Variants in PDE1C observed in about 807,000 individuals in gnomAD.
The protein encoded by PDE1C is dual specificity calcium/calmodulin-dependent 3',5'-cyclic nucleotide phosphodiesterase 1C.
A neutral mutation model predicts 93.1 loss-of-function variants in PDE1C; 62 were observed. That is an observed-to-expected ratio of 0.67 (90% CI 0.54 to 0.82). The LOEUF (loss-of-function observed/expected upper bound fraction) is 0.82. Among genes scored for constraint, PDE1C ranks in the 40% least tolerant of loss-of-function variants. The probability of loss-of-function intolerance (pLI) is 0.00; values close to 1 mark genes in which losing one functional copy is unlikely to be tolerated. For synonymous variants in PDE1C, 325 were observed against 310.1 expected (o/e 1.05, Z -0.50); for missense variants, 742 against 884.6 (o/e 0.84, Z 2.04).
chr7:31,931,377 C>A (rs4723114), intron 2 of PDE1C, among the ~76,000 whole-genome samples: 72,348 of 152,086 alleles, frequency 0.48, 17,370 homozygotes, highest in African/African-American at 0.52. Context: ...GCTGATAAGC[C>A]ACTTCAGCAA....
chr7:32,030,120 CACACAA>C (rs1790120004), intron 2 of PDE1C, among the ~76,000 whole-genome samples: 2 of 148,020 alleles, frequency 1.4e-5, no homozygotes, highest in South Asian at 4.2e-4. Context: ...CACACACACA[CACACAA>C]AGTGACAATA....
At chr7:31,747,530 C>T (rs1477691485), downstream of PDE1C, among the ~76,000 whole-genome samples, 1 of 151,834 alleles carries the variant, frequency 6.6e-6, no homozygotes, top group Non-Finnish European at 1.5e-5. Context: ...CTACCTCCTG[C>T]ACAGAAAAAA....
intron 1 of PDE1C, among the ~76,000 whole-genome samples, chr7:32,354,582 G>C (rs1258117439): frequency 6.6e-6 from 1 of 152,174 alleles, no homozygotes; most frequent in African/African-American, 2.4e-5. Context: ...CTAGGTGACA[G>C]AATGATACCT....
rs913355123 is a variant in PDE1C, at chr7:31,850,573, C to T, written c.851+68G>A. On this transcript the variant is annotated intron_variant, in intron 8 of 17. Coordinates refer to ENST00000396191, the MANE Select transcript of PDE1C (RefSeq NM_001191057.4). Reference sequence around the variant, plus strand: ...TATGCAAAAGAAAGGTGACTAACACCTTTCTGATTTCTAAAACTGTCTCTC... The same window carrying T: ...TATGCAAAAGAAAGGTGACTAACACTTTTCTGATTTCTAAAACTGTCTCTC... The T allele has an allele frequency of 6.1e-5, 64 of 1,057,560 alleles. 1 individual carries two copies. Among genetic ancestry groups the T allele is most frequent in the South Asian group, 2.0e-4 (16 of 79,610 alleles). The allele number at this position is 1,057,560 out of a possible 1,614,324, so 65.5% of individuals were successfully genotyped here.
At chr7:31,782,545 C>T (rs1783510548) in intron 16 of PDE1C, among the ~76,000 whole-genome samples, 1 of 152,164 alleles carries the variant, frequency 6.6e-6, no homozygotes, top group Admixed American at 6.5e-5. Context: ...CGAAACGATA[C>T]ACCAGGAGGC....
At chr7:31,999,406 C>T (rs779549968) in intron 2 of PDE1C, among the ~76,000 whole-genome samples, 1 of 152,170 alleles carries the variant, frequency 6.6e-6, no homozygotes, top group Non-Finnish European at 1.5e-5. Flanking sequence ...CAACTCCGTT[C>T]AAACACCTAT....
At chr7:31,652,018 C>G in the PDE1C span, 7 of 1,602,968 alleles carry the variant, frequency 4.4e-6, no homozygotes, top group East Asian at 1.4e-4. Flanking sequence ...GTTAGGAGAC[C>G]GGGCTCAGCA....
intron 2 of PDE1C, among the ~76,000 whole-genome samples, chr7:32,019,218 G>T (rs17336533): frequency 0.075 from 11,319 of 151,450 alleles, 504 homozygotes; most frequent in Non-Finnish European, 0.092. Flanking sequence ...AGGCTGCGTG[G>T]TAAGAGAAAC....
intron 2 of PDE1C, among the ~76,000 whole-genome samples, chr7:31,997,230 A>G (rs1784830221): frequency 1.3e-5 from 2 of 152,188 alleles, no homozygotes; most frequent in Admixed American, 1.3e-4. Flanking sequence ...TAAGCACCTC[A>G]AGCTTTTAAT....
At chr7:31,656,718 G>A in the PDE1C span, among the ~76,000 whole-genome samples, 1 of 152,146 alleles carries the variant, frequency 6.6e-6, no homozygotes, top group South Asian at 2.1e-4. Context: ...GGACGGTTTT[G>A]ACAGTCAGAA....
At position 31,828,365 on chromosome 7, in the gene PDE1C, T is replaced by G. The variant is rs777871266; in HGVS notation, c.1212A>C (p.Arg404Ser). ...LLEEFFRQGD[R>S]EAELGLPFSP... The stretch of plus-strand genomic sequence containing the variant: ...AAAAAGGCAGCCCCAGCTCTGCTTC[T>G]CTGTCACCCTGGAAAAATAAAAGGT... Residue 404 changes from arginine to serine, a missense_variant, in exon 12 of 18, where the codon AGA becomes AGC. Physicochemically the swap from Arg to Ser is moderately radical, Grantham distance 110. This residue lies in a region of PDE1C where 454 missense variants were observed against 459.4 expected (regional missense o/e 0.99). Coordinates refer to ENST00000396191, the MANE Select transcript of PDE1C (RefSeq NM_001191057.4). 4.3e-6 allele frequency: 7 copies of G among 1,612,056 alleles called. No homozygotes were observed. The African/African-American group carries it at 6.7e-5, about 15-fold the overall frequency.
chr7:31,729,292 G>A, the PDE1C span, among the ~76,000 whole-genome samples: 16 of 152,166 alleles, frequency 1.1e-4, no homozygotes, highest in Admixed American at 5.2e-4. Context: ...CCTTGTGTGA[G>A]GTTAGCTTAG....
At chr7:31,787,375 T>A (rs548287930) in intron 16 of PDE1C, 1 of 152,188 alleles carries the variant, frequency 6.6e-6, no homozygotes, top group East Asian at 1.9e-4. Context: ...TAGAAATGAG[T>A]CTCTTGTCTG....
At chr7:32,376,364 A>G (rs1382289521) in intron 1 of PDE1C, among the ~76,000 whole-genome samples, 1 of 152,166 alleles carries the variant, frequency 6.6e-6, no homozygotes, top group Non-Finnish European at 1.5e-5. Context: ...TGCATAAAGT[A>G]AGATTGTTAT....
chr7:31,735,730 C>T, the PDE1C span, among the ~76,000 whole-genome samples: 1 of 152,094 alleles, frequency 6.6e-6, no homozygotes, highest in Non-Finnish European at 1.5e-5. Context: ...TTTCTTTTTC[C>T]TTTTGGGTCT....
the PDE1C span, among the ~76,000 whole-genome samples, chr7:31,670,362 A>C: frequency 0.069 from 10,429 of 152,162 alleles, 1,172 homozygotes; most frequent in African/African-American, 0.24. Flanking sequence ...AAACTGCACC[A>C]CATGTTCATT....
intron 2 of PDE1C, among the ~76,000 whole-genome samples, chr7:32,028,008 A>C (rs1174974715): frequency 6.6e-6 from 1 of 152,158 alleles, no homozygotes; most frequent in Non-Finnish European, 1.5e-5. Context: ...AGGATGATGC[A>C]AAATCAATCC....
At chr7:31,846,233 C>CTTTTTTTTTTTTTTT (rs371624212) in intron 9 of PDE1C, among the ~76,000 whole-genome samples, 13 of 129,942 alleles carry the variant, frequency 1.0e-4, no homozygotes, top group African/African-American at 1.7e-4. Flanking sequence ...CTTTTTTTTT[C>CTTTTTTTTTTTTTTT]TTTTTTTTTT....
At chr7:32,381,470 C>T (rs1784532647) in intron 1 of PDE1C, among the ~76,000 whole-genome samples, 2 of 152,108 alleles carry the variant, frequency 1.3e-5, no homozygotes, top group South Asian at 2.1e-4. Context: ...TGTGAATTTA[C>T]CCCAACTACT....
Sources: allele counts gnomAD v4.1 joint callset (sites outside exome capture counted in the v4.1 genomes callset), GRCh38; gene constraint gnomAD v4.1.1; regional missense constraint gnomAD v4.1.1; transcripts MANE v1.5; gene names NCBI Gene and HGNC (gene_info 2026-07-23, HGNC 2026-07-21).